ZNF91: variants seen among roughly 807,000 people sequenced by gnomAD.
ZNF91 encodes the protein zinc finger protein 91 (HPF7, HTF10).
Under a neutral mutation model 12.6 loss-of-function variants are expected in ZNF91, and 7 were observed. The ratio of observed to expected loss-of-function variants is 0.55; its 90% CI spans 0.31 to 1.04. ZNF91 has a LOEUF of 1.04. Ranked by LOEUF, ZNF91 falls within the 50% of genes least tolerant of loss-of-function variation. The pLI is 0.05. For missense variants in ZNF91, 1,217 were observed against 1,385.4 expected (o/e 0.88, Z 1.93); for synonymous variants, 453 against 462.6 (o/e 0.98, Z 0.27).
At position 23,361,987 on chromosome 19, in the gene ZNF91, A is replaced by G; in HGVS notation, c.992T>C (p.Phe331Ser). 1.3e-6 allele frequency: 2 copies of G among 1,546,904 alleles called. No individual in the cohort carries two copies. The highest frequency in any genetic ancestry group is 1.7e-6 in the Non-Finnish European group (2 of 1,148,808). ...PYKCEECGKA[F>S]SRSSTLAKHK... Reference sequence around the variant, plus strand: ...TTTAGCAAGGGTTGAAGAACGGCTAAAAGCTTTGCCACATTCTTCACATTT... The same window carrying G: ...TTTAGCAAGGGTTGAAGAACGGCTAGAAGCTTTGCCACATTCTTCACATTT... The change falls in exon 4 of 4, where the codon TTT (phenylalanine) becomes TCT (serine). Residue 331 changes from phenylalanine (F) to serine (S), a missense_variant. By Grantham distance (155) the Phe-to-Ser change is radical. Transcript: ENST00000300619.
intron 1 of ZNF91, chr19:23,324,066 A>ACTCCTCCTTCTCCTC (rs1363917660): frequency 1.2e-5 from 1 of 82,874 alleles, no homozygotes; most frequent in Non-Finnish European, 2.6e-5. Context: ...CATCTCCTCT[A>ACTCCTCCTTCTCCTC]CTCCTCCTTC....
chr19:23,367,457 A>T (rs1969060864), intron 3 of ZNF91, among the ~76,000 whole-genome samples: 1 of 152,212 alleles, frequency 6.6e-6, no homozygotes. Flanking sequence ...AGGAATAAAA[A>T]AATTAATTTT....
intron 1 of ZNF91, among the ~76,000 whole-genome samples, chr19:23,387,021 GACAA>G: frequency 6.6e-6 from 1 of 152,228 alleles, no homozygotes; most frequent in African/African-American, 2.4e-5. Flanking sequence ...TTCGAAAGAA[GACAA>G]ACATTTGGCT....
At chr19:23,329,532 C>T (rs1023513573) in intron 1 of ZNF91, among the ~76,000 whole-genome samples, 13 of 152,282 alleles carry the variant, frequency 8.5e-5, no homozygotes, top group East Asian at 3.9e-4. Flanking sequence ...ATGTAGTAAA[C>T]GGAAGTTGCT....
chr19:23,344,285 G>A (rs113799088), intron 3 of ZNF91, among the ~76,000 whole-genome samples: 121 of 152,008 alleles, frequency 8.0e-4, no homozygotes, highest in African/African-American at 2.7e-3. Context: ...TATTAGAGAC[G>A]AGGTTTCACC....
intron 1 of ZNF91, among the ~76,000 whole-genome samples, chr19:23,393,191 T>C (rs1970123802): frequency 6.6e-6 from 1 of 152,104 alleles, no homozygotes; most frequent in Non-Finnish European, 1.5e-5. Context: ...TCAATACTAG[T>C]ATCTGATTGG....
Position 23,385,159 on chromosome 19 carries a change from T to C in ZNF91, c.30+10166A>G. 8 of 708,668 alleles carry C rather than the reference T, an allele frequency of 1.1e-5. No homozygotes were observed. In the South Asian group the frequency reaches 1.2e-4, roughly 11 times the overall value. 43.9% of individuals were successfully genotyped at this position (708,668 alleles called of 1,614,324 possible). A position where few individuals can be genotyped will look rare whatever the true frequency, so the allele number is the denominator to read the frequency against. Reference sequence around the variant, plus strand: ...AGACATGTTTCACCATCCCGCGTCATGCAAGCTCATCAAGGGAAAGACTAA... The same window carrying C: ...AGACATGTTTCACCATCCCGCGTCACGCAAGCTCATCAAGGGAAAGACTAA... On this transcript the variant is annotated intron_variant, in intron 1 of 3. Transcript: ENST00000300619.
At chr19:23,356,095 T>C (rs188538208), downstream of ZNF91, among the ~76,000 whole-genome samples, 37 of 152,190 alleles carry the variant, frequency 2.4e-4, no homozygotes, top group East Asian at 1.9e-3. Context: ...TAAATGCATA[T>C]GGAAAACAGT....
chr19:23,348,713 G>A (rs990017667), intron 3 of ZNF91, among the ~76,000 whole-genome samples: 3 of 152,166 alleles, frequency 2.0e-5, no homozygotes, highest in African/African-American at 7.2e-5. Context: ...AACAAGGAAA[G>A]ATAACCATAA....
At chr19:23,334,314 A>T (rs1967969381), downstream of ZNF91, among the ~76,000 whole-genome samples, 1 of 152,170 alleles carries the variant, frequency 6.6e-6, no homozygotes, top group Admixed American at 6.5e-5. Context: ...TCAGCTGTGT[A>T]GGCTGTTATG....
chr19:23,376,925 T>G (rs1473370856), intron 1 of ZNF91, among the ~76,000 whole-genome samples: 1 of 152,144 alleles, frequency 6.6e-6, no homozygotes, highest in Non-Finnish European at 1.5e-5. Flanking sequence ...ATTTTGAGAA[T>G]TTGCCTTTAA....
At chr19:23,389,068 T>C (rs1161408220) in intron 1 of ZNF91, among the ~76,000 whole-genome samples, 1 of 151,926 alleles carries the variant, frequency 6.6e-6, no homozygotes, top group Non-Finnish European at 1.5e-5. Context: ...GTACCTTAGT[T>C]ACAAAATAAT....
intron 1 of ZNF91, among the ~76,000 whole-genome samples, chr19:23,375,914 A>G (rs1226785026): frequency 6.6e-6 from 1 of 152,230 alleles, no homozygotes; most frequent in Non-Finnish European, 1.5e-5. Context: ...TGCCCCCACT[A>G]AAGTAAATTA....
chr19:23,388,392 A>T (rs1284171814), intron 1 of ZNF91, among the ~76,000 whole-genome samples: 1 of 145,708 alleles, frequency 6.9e-6, no homozygotes, highest in Non-Finnish European at 1.5e-5. Flanking sequence ...ATTCATATAA[A>T]ACCACAACAG....
chr19:23,316,254 C>T (rs1967558122), intron 1 of ZNF91, among the ~76,000 whole-genome samples: 1 of 151,266 alleles, frequency 6.6e-6, no homozygotes, highest in Non-Finnish European at 1.5e-5. Context: ...GAAGGCTCCG[C>T]CTGGGGCCTG....
chr19:23,379,294 G>C (rs1213978303), intron 1 of ZNF91, among the ~76,000 whole-genome samples: 1 of 152,138 alleles, frequency 6.6e-6, no homozygotes, highest in African/African-American at 2.4e-5. Flanking sequence ...AGCCTGAGAG[G>C]GAAAGTCCCC....
downstream of ZNF91, among the ~76,000 whole-genome samples, chr19:23,353,904 AG>A (rs1968426127): frequency 6.6e-6 from 1 of 152,198 alleles, no homozygotes; most frequent in Non-Finnish European, 1.5e-5. Context: ...AGGAGGCATT[AG>A]ATACCCTGAA....
intron 1 of ZNF91, among the ~76,000 whole-genome samples, chr19:23,387,564 C>T (rs1410285656): frequency 6.6e-6 from 1 of 151,868 alleles, no homozygotes; most frequent in East Asian, 1.9e-4. Context: ...AAATGCATCT[C>T]TAAAAAAAAT....
chr19:23,375,710 A>G (rs1969481524), intron 1 of ZNF91, among the ~76,000 whole-genome samples: 1 of 152,110 alleles, frequency 6.6e-6, no homozygotes, highest in African/African-American at 2.4e-5. Flanking sequence ...CAATGCAAAG[A>G]AAACCTAAAA....
Sources: gnomAD v4.1 joint callset for allele counts (sites outside exome capture counted in the v4.1 genomes callset) on GRCh38, gnomAD v4.1.1 for gene constraint, MANE v1.5 for transcripts, NCBI Gene and HGNC (gene_info 2026-07-23, HGNC 2026-07-21) for gene names.